The following CSMD1 variants were observed in gnomAD, a reference collection of about 807,000 sequenced individuals.
CSMD1 encodes CUB and Sushi multiple domains 1, also known as CUB and sushi domain-containing protein 1.
CSMD1 carries 213 observed loss-of-function variants against 417.5 expected under a neutral mutation model. The observed-to-expected ratio is 0.51, with a 90% CI of 0.46 to 0.57. The LOEUF is 0.57. Among genes scored for constraint, CSMD1 ranks in the 20% least tolerant of loss-of-function variants. CSMD1 has a pLI of 0.00. For missense variants in CSMD1, 6,923 were observed against 4,529.7 expected (o/e 1.53, Z -15.17); for synonymous variants, 2,862 against 1,736.8 (o/e 1.65, Z -16.11).
chr8:4,058,018 C>T (rs1041651329), intron 3 of CSMD1, among the ~76,000 whole-genome samples: 2 of 151,558 alleles, frequency 1.3e-5, no homozygotes, highest in Admixed American at 6.6e-5. Flanking sequence ...GCAATGTGGG[C>T]TCTTTTTTGG....
At chr8:4,930,454 T>C (rs1313206487) in intron 1 of CSMD1, among the ~76,000 whole-genome samples, 1 of 149,294 alleles carries the variant, frequency 6.7e-6, no homozygotes, top group Non-Finnish European at 1.5e-5. Context: ...TTTGACATAC[T>C]GTTAGCTTAT....
intron 5 of CSMD1, among the ~76,000 whole-genome samples, chr8:3,889,724 G>C (rs556333201): frequency 4.1e-4 from 62 of 151,662 alleles, no homozygotes; most frequent in African/African-American, 1.4e-3. Flanking sequence ...TATGGATTTT[G>C]TGAAACAGAC....
At chr8:4,690,399 C>G (rs558932703) in intron 1 of CSMD1, among the ~76,000 whole-genome samples, 1 of 152,188 alleles carries the variant, frequency 6.6e-6, no homozygotes, top group Non-Finnish European at 1.5e-5. Context: ...CTAACACATT[C>G]AAAATTTCAG....
At chr8:4,773,861 T>A (rs1260485691) in intron 1 of CSMD1, among the ~76,000 whole-genome samples, 1 of 152,176 alleles carries the variant, frequency 6.6e-6, no homozygotes, top group Non-Finnish European at 1.5e-5. Flanking sequence ...CTTTTGAAAC[T>A]CACCAGTGCC....
At chr8:3,084,177 A>G (rs1238202391) in intron 49 of CSMD1, among the ~76,000 whole-genome samples, 1 of 152,166 alleles carries the variant, frequency 6.6e-6, no homozygotes, top group Non-Finnish European at 1.5e-5. Flanking sequence ...TTTCTGTCAT[A>G]TGAGGCCAAA....
At chr8:4,406,649 T>C (rs1292776704) in intron 3 of CSMD1, among the ~76,000 whole-genome samples, 1 of 152,122 alleles carries the variant, frequency 6.6e-6, no homozygotes, top group Non-Finnish European at 1.5e-5. Flanking sequence ...ACAGGAAGCA[T>C]GGGCACTCCT....
intron 3 of CSMD1, among the ~76,000 whole-genome samples, chr8:4,220,318 G>A (rs1467181464): frequency 6.6e-6 from 1 of 152,292 alleles, no homozygotes; most frequent in East Asian, 1.9e-4. Flanking sequence ...GAAATTTGAA[G>A]CGTGAGAAGG....
intron 2 of CSMD1, among the ~76,000 whole-genome samples, chr8:4,460,967 A>C (rs1289531108): frequency 1.3e-5 from 2 of 152,178 alleles, no homozygotes; most frequent in East Asian, 3.9e-4. Flanking sequence ...TATAGATAGA[A>C]ACTACAGACT....
At chr8:3,745,452 A>G (rs1222966704) in intron 6 of CSMD1, among the ~76,000 whole-genome samples, 1 of 152,220 alleles carries the variant, frequency 6.6e-6, no homozygotes, top group Non-Finnish European at 1.5e-5. Flanking sequence ...GTAAATGCCA[A>G]CTTGACGTAA....
intron 1 of CSMD1, among the ~76,000 whole-genome samples, chr8:4,811,859 G>C (rs1798926642): frequency 6.6e-6 from 1 of 152,072 alleles, no homozygotes; most frequent in Admixed American, 6.5e-5. Context: ...AGTGAAATCA[G>C]TGCCACAGCT....
chr8:3,413,245 A>C (rs1403093042), intron 12 of CSMD1, among the ~76,000 whole-genome samples: 5 of 150,742 alleles, frequency 3.3e-5, no homozygotes, highest in Non-Finnish European at 7.4e-5. Flanking sequence ...TTAGAGTAAA[A>C]TAAATTATGG....
chr8:4,413,886 A>G (rs1197479833), intron 3 of CSMD1, among the ~76,000 whole-genome samples: 1 of 152,176 alleles, frequency 6.6e-6, no homozygotes, highest in Non-Finnish European at 1.5e-5. Context: ...ACCTGGGTTT[A>G]CCAGTCTAAG....
chr8:3,330,877 T>C (rs1189765921), intron 23 of CSMD1, among the ~76,000 whole-genome samples: 1 of 152,222 alleles, frequency 6.6e-6, no homozygotes, highest in East Asian at 1.9e-4. Flanking sequence ...ATTTTTTATT[T>C]ACCTCATGAA....
intron 3 of CSMD1, among the ~76,000 whole-genome samples, chr8:4,411,963 GA>G (rs945458525): frequency 6.0e-5 from 9 of 150,372 alleles, no homozygotes; most frequent in Non-Finnish European, 1.0e-4. Flanking sequence ...GATTTTTGAT[GA>G]AAAGTACACA....
intron 10 of CSMD1, among the ~76,000 whole-genome samples, chr8:3,568,785 G>A (rs905724825): frequency 1.3e-5 from 2 of 151,898 alleles, no homozygotes; most frequent in Non-Finnish European, 2.9e-5. Flanking sequence ...GATGTTAGTA[G>A]AAGACAGGTC....
At chr8:4,510,253 T>G (rs1015231473) in intron 2 of CSMD1, among the ~76,000 whole-genome samples, 1 of 152,010 alleles carries the variant, frequency 6.6e-6, no homozygotes, top group African/African-American at 2.4e-5. Flanking sequence ...CCTCTTTCCT[T>G]TATAAATGAC....
At chr8:3,786,810 G>A (rs539085278) in intron 5 of CSMD1, among the ~76,000 whole-genome samples, 2 of 152,272 alleles carry the variant, frequency 1.3e-5, no homozygotes, top group Admixed American at 6.5e-5. Flanking sequence ...AGAGAGAGAA[G>A]AAGGAAACAG....
chr8:3,490,231 G>A (rs1313874627), intron 11 of CSMD1, among the ~76,000 whole-genome samples: 2 of 152,126 alleles, frequency 1.3e-5, no homozygotes, highest in Non-Finnish European at 2.9e-5. Context: ...GTTTCCCAAA[G>A]GGCATCTCAG....
At chr8:3,721,159 C>G (rs1802146757) in intron 6 of CSMD1, among the ~76,000 whole-genome samples, 1 of 152,054 alleles carries the variant, frequency 6.6e-6, no homozygotes, top group African/African-American at 2.4e-5. Context: ...ATCAGGTGGT[C>G]CTGAAACACC....
Sources: gnomAD v4.1 joint callset for allele counts (sites outside exome capture counted in the v4.1 genomes callset) on GRCh38, gnomAD v4.1.1 for gene constraint, MANE v1.5 for transcripts, NCBI Gene and HGNC (gene_info 2026-07-23, HGNC 2026-07-21) for gene names.